Variants in CCDC170 observed in about 807,000 individuals in gnomAD.
CCDC170 encodes the protein coiled-coil domain-containing protein 170.
A neutral mutation model predicts 72.6 loss-of-function variants in CCDC170; 69 were observed. The observed-to-expected ratio is 0.95, with a 90% CI of 0.78 to 1.16. The LOEUF is 1.16. Ranked by LOEUF, CCDC170 falls within the 50% of genes most tolerant of loss-of-function variation. The pLI is 0.00. For missense variants in CCDC170, 852 were observed against 832.5 expected (o/e 1.02, Z -0.29); for synonymous variants, 300 against 303.9 (o/e 0.99, Z 0.13).
intron 9 of CCDC170, among the ~76,000 whole-genome samples, chr6:151,608,742 T>A (rs911382607): frequency 6.6e-6 from 1 of 152,186 alleles, no homozygotes. Context: ...GGGGTCAGAC[T>A]GCCAGTGGTC....
At chr6:151,552,849 T>C (rs1481716579) in intron 5 of CCDC170, among the ~76,000 whole-genome samples, 1 of 141,792 alleles carries the variant, frequency 7.1e-6, no homozygotes, top group Non-Finnish European at 1.5e-5. Context: ...TCCAGTGGCA[T>C]GATCTCAGCT....
chr6:151,573,292 T>A lies in CCDC170; in HGVS notation c.893T>A (p.Leu298Gln). ...GCCTCAAAGCAGGAAGTGAGCCTCC[T>A]GAAGAAAAGCTCTTCTGAGTTGGAG... ...WDASKQEVSL[L>Q]KKSSSELEKS... Residue 298 changes from leucine (L) to glutamine (Q), a missense_variant, in exon 6 of 11, where the codon CTG becomes CAG. Physicochemically the swap from Leu to Gln is moderately radical, Grantham distance 113 (BLOSUM62 -2). Transcript: ENST00000239374. 1 of 1,614,160 alleles carries A rather than the reference T, an allele frequency of 6.2e-7. No homozygotes were observed. The highest frequency in any genetic ancestry group is 8.5e-7 in the Non-Finnish European group (1 of 1,180,020).
rs769121829 is a variant in CCDC170 at position 151,536,338 on chromosome 6, G to C, written c.78G>C (p.Ser26=). 15 of 1,613,674 alleles carry C rather than the reference G, an allele frequency of 9.3e-6. No individual in the cohort carries two copies. Among genetic ancestry groups the C allele is most frequent in the Admixed American group, 5.0e-5 (3 of 59,998 alleles). ...ACCAGGAAACTTACGATCATCTTTC[G>C]GAAGTCCCGGTCACGCGGGAGCAGT... The part of the protein sequence containing the change: ...PAPEETYDHL[S]EVPVTREQLN... Residue 26 remains serine, a synonymous_variant, in exon 2 of 11, where the codon TCG becomes TCC. Coordinates refer to ENST00000239374, the MANE Select transcript of CCDC170 (RefSeq NM_025059.4).
intron 5 of CCDC170, among the ~76,000 whole-genome samples, chr6:151,572,531 G>A (rs182944193): frequency 2.0e-3 from 303 of 151,636 alleles, no homozygotes; most frequent in Non-Finnish European, 3.7e-3. Context: ...CTACTAATAT[G>A]TTATCCAATG....
intron 6 of CCDC170, among the ~76,000 whole-genome samples, chr6:151,580,808 T>C (rs1187585937): frequency 6.6e-6 from 1 of 152,172 alleles, no homozygotes; most frequent in African/African-American, 2.4e-5. Context: ...GCAACATTCT[T>C]AATTGGTATA....
At chr6:151,593,004 G>A (rs796900254) in intron 7 of CCDC170, 103 bp from the exon 8 acceptor site, 12 of 1,268,976 alleles carry the variant, frequency 9.5e-6, no homozygotes, top group African/African-American at 4.4e-5. Context: ...TCTCTGCAAA[G>A]GAGAATTACC....
At chr6:151,578,545 T>G (rs1484595677) in intron 6 of CCDC170, among the ~76,000 whole-genome samples, 1 of 152,156 alleles carries the variant, frequency 6.6e-6, no homozygotes, top group Non-Finnish European at 1.5e-5. Context: ...GACCTCGTTT[T>G]CACTTCATCA....
Position 151,545,222 on chromosome 6 carries a change from C to A in CCDC170, c.588+506C>A, listed in dbSNP as rs191525027. On this transcript the variant is annotated intron_variant, in intron 4 of 10. Coordinates refer to ENST00000239374, the MANE Select transcript of CCDC170 (RefSeq NM_025059.4). ...ATCACCTGAGGTCAGGGGTTTGAGA[C>A]CAGCCTGGCCAACATGGAGAAACCC... is the stretch of plus-strand genomic sequence containing the variant. 3.0e-4 allele frequency among the ~76,000 whole-genome samples: 45 copies of A among 152,220 alleles called. 1 individual carries two copies. The highest frequency in any genetic ancestry group is 9.1e-4 in the African/African-American group (38 of 41,556).
intron 10 of CCDC170, among the ~76,000 whole-genome samples, chr6:151,616,809 C>T (rs915513356): frequency 1.3e-5 from 2 of 152,094 alleles, no homozygotes; most frequent in African/African-American, 4.8e-5. Context: ...CTTGCTGTGT[C>T]CTCACATGGT....
intron 5 of CCDC170, 99 bp from the exon 6 acceptor site, chr6:151,573,075 A>G: frequency 9.5e-7 from 1 of 1,048,496 alleles, no homozygotes; most frequent in Non-Finnish European, 1.4e-6. Flanking sequence ...AACCCCTTGT[A>G]GTCATTAGCA....
chr6:151,556,912 A>T (rs1437040652), intron 5 of CCDC170, among the ~76,000 whole-genome samples: 3 of 152,100 alleles, frequency 2.0e-5, no homozygotes, highest in Admixed American at 6.5e-5. Context: ...AGCCTCTGGA[A>T]TCTATTTTTC....
At position 151,618,097 on chromosome 6, in the gene CCDC170, A is replaced by C. The variant is rs1348955949; in HGVS notation, c.2098A>C (p.Thr700Pro). Residue 700 changes from threonine to proline, a missense_variant, in exon 11 of 11, where the codon ACT becomes CCT. Transcript: ENST00000239374. The part of the protein sequence containing the change: ...FVTCACLKDV[T>P]TGQERHPQGH... ...TACCTGTGCCTGCCTCAAAGATGTG[A>C]CTACTGGGCAAGAGAGGCACCCACA... The C allele has an allele frequency of 6.2e-7, 1 of 1,614,132 alleles. No homozygotes were observed. The highest frequency in any genetic ancestry group is 1.1e-5 in the South Asian group (1 of 91,068).
chr6:151,585,422 A>G (rs921240542), intron 6 of CCDC170, among the ~76,000 whole-genome samples: 8 of 152,208 alleles, frequency 5.3e-5, no homozygotes, highest in African/African-American at 9.6e-5. Flanking sequence ...GAAAAAGCAT[A>G]TATCTGTACA....
In CCDC170 at chr6:151,558,244, T is replaced by G. The variant is rs1453840187; in HGVS notation, c.774+9755T>G. Among the ~76,000 whole-genome samples the G allele has an allele frequency of 3.4e-4, 51 of 150,304 alleles. 1 individual carries two copies. Among genetic ancestry groups the G allele is most frequent in the Admixed American group, 1.7e-3 (26 of 15,126 alleles). On this transcript the variant is annotated intron_variant, in intron 5 of 10. Transcript: ENST00000239374. ...TATTGAGATTAGTGTTTTTTTTTTT[T>G]TTTTTTTTTTTAATGTTGACTTGCT...
intron 1 of CCDC170, among the ~76,000 whole-genome samples, chr6:151,511,138 G>C (rs1262219604): frequency 6.6e-6 from 1 of 152,178 alleles, no homozygotes; most frequent in Non-Finnish European, 1.5e-5. Context: ...TTGGTCGACT[G>C]TCTACTACGC....
chr6:151,573,297 A>C lies in CCDC170; in HGVS notation c.898A>C (p.Lys300Gln), dbSNP rs1687636883. The change falls in exon 6 of 11, where the codon AAA becomes CAA. Residue 300 changes from lysine to glutamine, a missense_variant. By Grantham distance (53) the Lys-to-Gln change is moderately conservative. Transcript: ENST00000239374. ...AAAGCAGGAAGTGAGCCTCCTGAAG[A>C]AAAGCTCTTCTGAGTTGGAGAAGAG... is the stretch of plus-strand genomic sequence containing the variant. ...ASKQEVSLLK[K>Q]SSSELEKSLK... 2.5e-6 allele frequency: 4 copies of C among 1,614,084 alleles called. No individual in the cohort carries two copies. The highest frequency in any genetic ancestry group is 2.7e-5 in the African/African-American group (2 of 74,926).
intron 1 of CCDC170, among the ~76,000 whole-genome samples, chr6:151,528,263 GA>G (rs1360933125): frequency 6.1e-4 from 93 of 152,192 alleles, no homozygotes; most frequent in African/African-American, 2.0e-3. Flanking sequence ...TTAAATAGGG[GA>G]AAAATTTTTT....
chr6:151,553,377 T>C (rs981387083), intron 5 of CCDC170, among the ~76,000 whole-genome samples: 1 of 152,204 alleles, frequency 6.6e-6, no homozygotes, highest in African/African-American at 2.4e-5. Context: ...AACTATTTAT[T>C]AGTCAGTGGA....
chr6:151,525,014 A>G (rs180948628), intron 1 of CCDC170, among the ~76,000 whole-genome samples: 117 of 145,626 alleles, frequency 8.0e-4, no homozygotes, highest in Admixed American at 1.8e-3. Flanking sequence ...CTCACTGCAA[A>G]CTCCGCCTCC....
Sources: allele counts gnomAD v4.1 joint callset (sites outside exome capture counted in the v4.1 genomes callset), GRCh38; gene constraint gnomAD v4.1.1; transcripts MANE v1.5; gene names NCBI Gene and HGNC (gene_info 2026-07-23, HGNC 2026-07-21).